Variants in SLC24A2 observed in about 807,000 individuals in gnomAD.
The protein encoded by SLC24A2 is solute carrier family 24 member 2.
Under a neutral mutation model 62.0 loss-of-function variants are expected in SLC24A2, and 36 were observed. The observed-to-expected ratio is 0.58, with a 90% confidence interval of 0.44 to 0.77. SLC24A2 has a LOEUF of 0.77. Among genes scored for constraint, SLC24A2 ranks in the 30% least tolerant of loss-of-function variants. The pLI, the probability that SLC24A2 is intolerant of heterozygous loss-of-function variation, is 0.00. For synonymous variants in SLC24A2, 358 were observed against 294.0 expected (o/e 1.22, Z -2.23); for missense variants, 846 against 817.9 (o/e 1.03, Z -0.42).
At chr9:20,191,849 A>T in the SLC24A2 span, among the ~76,000 whole-genome samples, 22 of 152,178 alleles carry the variant, frequency 1.4e-4, no homozygotes, top group Non-Finnish European at 2.9e-4. Context: ...AAAACCAACT[A>T]TACTTGAGGC....
At chr9:19,749,350 A>G (rs989888517) in intron 2 of SLC24A2, among the ~76,000 whole-genome samples, 2 of 152,040 alleles carry the variant, frequency 1.3e-5, no homozygotes, top group African/African-American at 4.8e-5. Flanking sequence ...TTGGATGTCC[A>G]TTTTTTAAAA....
At chr9:20,207,574 A>G in the SLC24A2 span, among the ~76,000 whole-genome samples, 2 of 152,154 alleles carry the variant, frequency 1.3e-5, no homozygotes, top group South Asian at 2.1e-4. Context: ...TTATCTTTCT[A>G]TATCTGTCTT....
chr9:20,003,168 G>A, the SLC24A2 span, among the ~76,000 whole-genome samples: 2 of 152,168 alleles, frequency 1.3e-5, no homozygotes, highest in African/African-American at 4.8e-5. Flanking sequence ...ATAAAGAATG[G>A]TCACTGCAGA....
At chr9:20,174,741 C>T in the SLC24A2 span, among the ~76,000 whole-genome samples, 1 of 151,972 alleles carries the variant, frequency 6.6e-6, no homozygotes, top group Non-Finnish European at 1.5e-5. Context: ...AACACGTCTA[C>T]ATTGCTTGTG....
chr9:19,883,909 G>C, the SLC24A2 span, among the ~76,000 whole-genome samples: 1 of 152,072 alleles, frequency 6.6e-6, no homozygotes, highest in South Asian at 2.1e-4. Flanking sequence ...ACAGAAATTG[G>C]CCTTATTAAA....
chr9:19,679,872 G>GTGTGTGTA (rs1819667594), intron 2 of SLC24A2, among the ~76,000 whole-genome samples: 2 of 117,878 alleles, frequency 1.7e-5, no homozygotes, highest in Non-Finnish European at 3.9e-5. Context: ...GTGTGTGTGT[G>GTGTGTGTA]TGTGTGTGTG....
chr9:20,021,984 C>T, the SLC24A2 span, among the ~76,000 whole-genome samples: 5 of 152,190 alleles, frequency 3.3e-5, no homozygotes, highest in Non-Finnish European at 7.3e-5. Flanking sequence ...AGTCTACACT[C>T]TTGCCTTACC....
At chr9:19,596,253 A>G (rs549731431) in intron 5 of SLC24A2, among the ~76,000 whole-genome samples, 50 of 152,352 alleles carry the variant, frequency 3.3e-4, no homozygotes, top group Non-Finnish European at 6.5e-4. Flanking sequence ...AAAGCAAGAT[A>G]TGCAACACAT....
chr9:19,746,968 A>C (rs1455703669), intron 2 of SLC24A2, among the ~76,000 whole-genome samples: 1 of 152,128 alleles, frequency 6.6e-6, no homozygotes, highest in Non-Finnish European at 1.5e-5. Flanking sequence ...GCCAACTAAC[A>C]AGAACAATCC....
chr9:19,636,946 G>A (rs1027980540), intron 2 of SLC24A2, among the ~76,000 whole-genome samples: 2 of 152,166 alleles, frequency 1.3e-5, no homozygotes, highest in African/African-American at 4.8e-5. Context: ...CCCTTTGGAA[G>A]CTGGAAAATA....
intron 2 of SLC24A2, among the ~76,000 whole-genome samples, chr9:19,677,774 A>G (rs1819602719): frequency 1.3e-5 from 2 of 150,584 alleles, no homozygotes; most frequent in South Asian, 4.2e-4. Context: ...ATTCTATATT[A>G]TGTGATATCT....
chr9:19,519,349 T>TTGTGTGTGTGTGTGTGTGTG (rs10640008), intron 10 of SLC24A2, among the ~76,000 whole-genome samples: 37 of 147,680 alleles, frequency 2.5e-4, no homozygotes, highest in African/African-American at 9.2e-4. Context: ...TTAAACTTCC[T>TTGTGTGTGTGTGTGTGTGTG]TGTGTGTGTG....
intron 2 of SLC24A2, among the ~76,000 whole-genome samples, chr9:19,733,533 C>G (rs573332672): frequency 6.6e-6 from 1 of 152,312 alleles, no homozygotes; most frequent in South Asian, 2.1e-4. Flanking sequence ...GCACAGCACT[C>G]ACACCTCGCT....
the SLC24A2 span, among the ~76,000 whole-genome samples, chr9:20,164,190 C>G: frequency 5.1e-4 from 78 of 152,168 alleles, 1 homozygote; most frequent in African/African-American, 1.8e-3. Flanking sequence ...TCCGAGTGAA[C>G]AGGCAACCTA....
chr9:19,606,848 G>A (rs1159251897), intron 4 of SLC24A2, among the ~76,000 whole-genome samples: 1 of 152,230 alleles, frequency 6.6e-6, no homozygotes, highest in African/African-American at 2.4e-5. Context: ...AAAGAGGCAA[G>A]ATTTGGTGGA....
intron 2 of SLC24A2, among the ~76,000 whole-genome samples, chr9:19,731,646 C>G (rs1293567747): frequency 6.6e-6 from 1 of 152,170 alleles, no homozygotes; most frequent in African/African-American, 2.4e-5. Flanking sequence ...CTTGGACTTC[C>G]AGCCTCCAGT....
chr9:20,089,603 AC>A, the SLC24A2 span, among the ~76,000 whole-genome samples: 1 of 151,678 alleles, frequency 6.6e-6, no homozygotes, highest in Non-Finnish European at 1.5e-5. Flanking sequence ...CAGAACAGTC[AC>A]CCCACCCAGA....
chr9:19,629,132 A>G (rs1489599379), intron 2 of SLC24A2, among the ~76,000 whole-genome samples: 2 of 152,082 alleles, frequency 1.3e-5, no homozygotes, highest in African/African-American at 4.8e-5. Flanking sequence ...CCTGAAGCTG[A>G]TGGAGTTGGA....
chr9:19,637,546 T>C (rs1587075350), intron 2 of SLC24A2, among the ~76,000 whole-genome samples: 1 of 152,196 alleles, frequency 6.6e-6, no homozygotes, highest in African/African-American at 2.4e-5. Flanking sequence ...AAGTCTCCTT[T>C]TTACCTGACT....
Sources: allele counts gnomAD v4.1 joint callset (sites outside exome capture counted in the v4.1 genomes callset), GRCh38; gene constraint gnomAD v4.1.1; transcripts MANE v1.5; gene names NCBI Gene and HGNC (gene_info 2026-07-23, HGNC 2026-07-21).